The following RNF128 variants were observed in gnomAD, a reference collection of about 807,000 sequenced individuals.
RNF128 encodes the protein E3 ubiquitin-protein ligase RNF128.
RNF128 carries 13 observed loss-of-function variants against 26.2 expected under a neutral mutation model. That is an observed-to-expected ratio of 0.50 (90% CI 0.32 to 0.79). The LOEUF is 0.79. RNF128 is among the 30% of genes least tolerant of loss of function. The probability of loss-of-function intolerance (pLI) is 0.03; values close to 1 mark genes in which losing one functional copy is unlikely to be tolerated. For missense variants in RNF128, 315 were observed against 349.7 expected, an observed-to-expected ratio of 0.90 and a Z score of 0.79; for synonymous variants, 149 against 142.5, an observed-to-expected ratio of 1.05 and a Z score of -0.32.
At chrX:106,774,734 G>A (rs955325826) in intron 2 of RNF128, among the ~76,000 whole-genome samples, 3 of 111,539 alleles carry the variant, frequency 2.7e-5, no homozygotes, top group African/African-American at 9.8e-5. Flanking sequence ...GTATAACAGC[G>A]GAATGGTGTG....
At chrX:106,754,050 G>A (rs1007860628) in intron 1 of RNF128, among the ~76,000 whole-genome samples, 2 of 111,363 alleles carry the variant, frequency 1.8e-5, no homozygotes, top group East Asian at 5.6e-4. Flanking sequence ...CATCCGGACA[G>A]AAAATCCACA....
intron 1 of RNF128, among the ~76,000 whole-genome samples, chrX:106,719,805 G>T (rs1037642493): frequency 5.6e-5 from 6 of 107,555 alleles, no homozygotes; most frequent in African/African-American, 2.0e-4. Flanking sequence ...GTCAACAGCA[G>T]AGTTAAAAAT....
chrX:106,763,414 T>TGGAG (rs1200026016), intron 1 of RNF128, among the ~76,000 whole-genome samples: 1 of 111,717 alleles, frequency 9.0e-6, no homozygotes, highest in East Asian at 2.8e-4. Flanking sequence ...TTGAGAACAG[T>TGGAG]GGAGGGGGAG....
chrX:106,749,904 CAAA>C (rs374223408), intron 1 of RNF128, among the ~76,000 whole-genome samples: 2 of 71,548 alleles, frequency 2.8e-5, no homozygotes. Context: ...GACCTTGTTT[CAAA>C]AAAAAAAAAA....
rs954807524 is a variant in RNF128 at position 106,796,754 on chromosome X, A to G, written c.*1041A>G. ...TAATATAAAGTTTGAAGCTTCATCC[A>G]CCAAAGTTAAATAGAGCTATTTAAA... is the stretch of plus-strand genomic sequence containing the variant. On this transcript the variant is annotated 3_prime_UTR_variant, in exon 7 of 7. Transcript: ENST00000255499. 2.7e-5 allele frequency: 3 copies of G among 111,499 alleles called. No individual in the cohort carries two copies. The highest frequency in any genetic ancestry group is 5.7e-5 in the Non-Finnish European group (3 of 52,976). 9.2% of individuals were successfully genotyped at this position (111,499 alleles called of 1,213,427 possible). A position where few individuals can be genotyped will look rare whatever the true frequency, so the allele number is the denominator to read the frequency against.
chrX:106,724,667 T>A (rs192700683), upstream of RNF128, among the ~76,000 whole-genome samples: 279 of 112,199 alleles, frequency 2.5e-3, no homozygotes, highest in African/African-American at 8.8e-3. Flanking sequence ...TAGAAAAGTT[T>A]ACTGTCTCAA....
At chrX:106,779,531 A>C (rs1298851597) in intron 2 of RNF128, among the ~76,000 whole-genome samples, 1 of 110,762 alleles carries the variant, frequency 9.0e-6, no homozygotes, top group African/African-American at 3.3e-5. Context: ...GATTGGGGAA[A>C]TGGGGAGATG....
In RNF128 at chrX:106,697,264, G is replaced by C. The variant is rs918082787; in HGVS notation, c.406+2856G>C. Among the ~76,000 whole-genome samples the C allele has an allele frequency of 4.5e-5, 5 of 112,030 alleles. No homozygotes were observed. In the Admixed American group the frequency reaches 4.7e-4, roughly 11 times the overall value. On this transcript the variant is annotated intron_variant, in intron 1 of 6. Transcript: ENST00000324342. ...GTAGTTACCCTTATTAGCCAGAATA[G>C]AGAAATATTTGGTAGTTTTTGTGGC...
chrX:106,715,760 G>A (rs1041664862), intron 1 of RNF128, among the ~76,000 whole-genome samples: 1 of 111,773 alleles, frequency 8.9e-6, no homozygotes, highest in Non-Finnish European at 1.9e-5. Flanking sequence ...ATATTTAGAT[G>A]TAGTTTGTTG....
chrX:106,715,119 G>C (rs1170136107), intron 1 of RNF128, among the ~76,000 whole-genome samples: 1 of 111,501 alleles, frequency 9.0e-6, no homozygotes, highest in African/African-American at 3.3e-5. Context: ...CTGCCAGACT[G>C]TTTTCCAGAT....
At chrX:106,712,212 C>T (rs765511610) in intron 1 of RNF128, among the ~76,000 whole-genome samples, 5 of 111,817 alleles carry the variant, frequency 4.5e-5, no homozygotes, top group Admixed American at 1.9e-4. Flanking sequence ...AAGCCAACTT[C>T]GAGTGTCTTT....
At chrX:106,740,525 C>A in intron 1 of RNF128, among the ~76,000 whole-genome samples, 1 of 111,815 alleles carries the variant, frequency 8.9e-6, no homozygotes, top group Non-Finnish European at 1.9e-5. Flanking sequence ...TGGAATTCTC[C>A]TTTACAAGGG....
At chrX:106,753,209 C>T (rs375054299) in intron 1 of RNF128, among the ~76,000 whole-genome samples, 1 of 110,948 alleles carries the variant, frequency 9.0e-6, no homozygotes, top group East Asian at 2.8e-4. Flanking sequence ...AGTAGGAAGA[C>T]TAAGAGATGA....
intron 4 of RNF128, among the ~76,000 whole-genome samples, chrX:106,788,332 T>C (rs1268485418): frequency 6.4e-4 from 36 of 55,931 alleles, no homozygotes; most frequent in African/African-American, 2.7e-3. Flanking sequence ...ATATTATATA[T>C]ACTATATATA....
chrX:106,726,497 T>C (rs1929394095), upstream of RNF128, among the ~76,000 whole-genome samples: 1 of 112,129 alleles, frequency 8.9e-6, no homozygotes, highest in Non-Finnish European at 1.9e-5. Flanking sequence ...TTGCGGACTT[T>C]ATCGTTCCTC....
intron 1 of RNF128, among the ~76,000 whole-genome samples, chrX:106,756,411 A>G (rs1348268397): frequency 1.8e-5 from 2 of 109,809 alleles, no homozygotes; most frequent in African/African-American, 3.4e-5. Context: ...GGAACAGAAC[A>G]GAGCCCTCAG....
intron 1 of RNF128, among the ~76,000 whole-genome samples, chrX:106,728,427 A>G (rs373584588): frequency 1.2e-4 from 14 of 112,149 alleles, no homozygotes; most frequent in African/African-American, 2.9e-4. Flanking sequence ...ATGAATAATA[A>G]GAAAACTTAT....
intron 1 of RNF128, among the ~76,000 whole-genome samples, chrX:106,768,909 T>C (rs1438267683): frequency 1.8e-5 from 2 of 112,282 alleles, no homozygotes; most frequent in Non-Finnish European, 3.8e-5. Context: ...GATTCTGGTA[T>C]GTTGTGTCTT....
At position 106,727,042 on chromosome X, in the gene RNF128, GA is replaced by G; in HGVS notation, c.130del (p.Thr44ProfsTer15). The G allele has an allele frequency of 8.3e-7, 1 of 1,205,823 alleles. No homozygotes were observed. Among genetic ancestry groups the G allele is most frequent in the Non-Finnish European group, 1.1e-6 (1 of 892,934 alleles). ...PGSRGAEAVW[T>X]AYLNVSWRVP... ...GTTCCCGGGGGGCTGAAGCAGTGTG[GA>G]CCGCGTACCTCAACGTGTCCTGGCG... On this transcript the variant is annotated frameshift_variant, in exon 1 of 7. Transcript: ENST00000255499. LOFTEE classifies it high-confidence loss of function.
Sources: allele counts gnomAD v4.1 joint callset (sites outside exome capture counted in the v4.1 genomes callset), GRCh38; gene constraint gnomAD v4.1.1; transcripts MANE v1.5; gene names NCBI Gene and HGNC (gene_info 2026-07-23, HGNC 2026-07-21).